The following HECTD2 variants were observed in gnomAD, a reference collection of about 807,000 sequenced individuals.
HECTD2 encodes the protein probable E3 ubiquitin-protein ligase HECTD2.
A neutral mutation model predicts 103.2 loss-of-function variants in HECTD2; 35 were observed. That is an observed-to-expected ratio of 0.34 (90% CI 0.26 to 0.45). The LOEUF (loss-of-function observed/expected upper bound fraction) is 0.45. HECTD2 is among the 20% of genes least tolerant of loss of function. The pLI, the probability that HECTD2 is intolerant of heterozygous loss-of-function variation, is 1.00. For missense variants in HECTD2, 596 were observed against 937.4 expected (o/e 0.64, Z 4.76); for synonymous variants, 281 against 329.9 (o/e 0.85, Z 1.61).
At chr10:91,478,859 A>C (rs1466838314) in intron 6 of HECTD2, among the ~76,000 whole-genome samples, 1 of 152,002 alleles carries the variant, frequency 6.6e-6, no homozygotes, top group African/African-American at 2.4e-5. Flanking sequence ...AGGAATGCCA[A>C]GTCTAGTTTA....
At chr10:91,484,797 CT>C in intron 9 of HECTD2, 142 bp downstream of exon 9, 1 of 669,292 alleles carries the variant, frequency 1.5e-6, no homozygotes, top group East Asian at 2.8e-5. Context: ...TTATTTTCTA[CT>C]TTGATAATAG....
chr10:91,412,756 T>G (rs1842976623), intron 1 of HECTD2, among the ~76,000 whole-genome samples: 1 of 151,858 alleles, frequency 6.6e-6, no homozygotes, highest in South Asian at 2.1e-4. Context: ...AAAGCTTAAG[T>G]GTAGAAAATC....
chr10:91,494,289 A>G (rs894231312), intron 14 of HECTD2, among the ~76,000 whole-genome samples: 15 of 152,032 alleles, frequency 9.9e-5, no homozygotes, highest in African/African-American at 3.6e-4. Flanking sequence ...GAAAATATAC[A>G]ATGTATTTTT....
At chr10:91,471,085 C>A (rs1845710624) in intron 5 of HECTD2, among the ~76,000 whole-genome samples, 1 of 152,078 alleles carries the variant, frequency 6.6e-6, no homozygotes, top group Non-Finnish European at 1.5e-5. Flanking sequence ...AAAATACTAG[C>A]AAACTGAATC....
intron 1 of HECTD2, among the ~76,000 whole-genome samples, chr10:91,415,728 T>G (rs1843101028): frequency 6.6e-6 from 1 of 152,194 alleles, no homozygotes; most frequent in Non-Finnish European, 1.5e-5. Flanking sequence ...ATGGCAGTAT[T>G]TCTAGTTTGA....
upstream of HECTD2, chr10:91,410,192 G>A (rs7081363): frequency 0.19 from 28,498 of 151,772 alleles, 6,289 homozygotes; most frequent in African/African-American, 0.54. Context: ...CCGGGCGGGC[G>A]GGGGAGGCGA....
At chr10:91,449,409 C>T (rs536711824) in intron 2 of HECTD2, among the ~76,000 whole-genome samples, 72 of 152,188 alleles carry the variant, frequency 4.7e-4, no homozygotes, top group Middle Eastern at 6.8e-3. Flanking sequence ...ATAATAAGAA[C>T]TATTTATGAC....
intron 20 of HECTD2, among the ~76,000 whole-genome samples, chr10:91,502,713 T>G (rs1846952850): frequency 6.6e-6 from 1 of 152,160 alleles, no homozygotes. Context: ...TAACAGAAGT[T>G]AATTTTTCAG....
rs1846951554 is a variant in HECTD2 at position 91,502,692 on chromosome 10, G to A, written c.2210+1358G>A. On this transcript the variant is annotated intron_variant, in intron 20 of 20. Transcript: ENST00000298068. The stretch of plus-strand genomic sequence containing the variant: ...TTCAAGAGGATTTTTTTAGATTATA[G>A]ATTTTTTGCATAACAGAAGTTAATT... 1.3e-5 allele frequency among the ~76,000 whole-genome samples: 2 copies of A among 151,946 alleles called. 1 individual carries two copies. The highest frequency in any genetic ancestry group is 4.1e-4 in the South Asian group (2 of 4,822).
Position 91,458,403 on chromosome 10 carries a change from T to G in HECTD2, c.269-2024T>G, listed in dbSNP as rs537354304. Among the ~76,000 whole-genome samples, 5 of 152,124 alleles carry G rather than the reference T, an allele frequency of 3.3e-5. No individual in the cohort carries two copies. The East Asian group carries it at 9.6e-4, about 29-fold the overall frequency. On this transcript the variant is annotated intron_variant, in intron 2 of 20. Coordinates refer to ENST00000298068, the MANE Select transcript of HECTD2 (RefSeq NM_182765.6). ...TGCATTTCCTGTCAAAATTCCTGTA[T>G]GTTTTTTGTTGTTGATATAGATAAG...
At chr10:91,498,520 A>G (rs1846771142) in intron 16 of HECTD2, among the ~76,000 whole-genome samples, 1 of 152,170 alleles carries the variant, frequency 6.6e-6, no homozygotes, top group African/African-American at 2.4e-5. Context: ...GAGTCAGACC[A>G]AAACTCTCTG....
At chr10:91,424,386 TGAAAAA>T (rs1318022822) in intron 1 of HECTD2, among the ~76,000 whole-genome samples, 4 of 151,988 alleles carry the variant, frequency 2.6e-5, no homozygotes, top group Non-Finnish European at 5.9e-5. Context: ...AAGGAGGAGA[TGAAAAA>T]GAAACTCTTC....
chr10:91,451,157 A>G (rs1322219751), intron 2 of HECTD2, among the ~76,000 whole-genome samples: 3 of 152,204 alleles, frequency 2.0e-5, no homozygotes, highest in Non-Finnish European at 4.4e-5. Context: ...TAAAGAAAGT[A>G]TGGCACATAT....
intron 6 of HECTD2, among the ~76,000 whole-genome samples, chr10:91,480,802 A>C (rs974366861): frequency 2.6e-5 from 4 of 152,030 alleles, no homozygotes; most frequent in Non-Finnish European, 5.9e-5. Flanking sequence ...GTATTCTAAA[A>C]TTGATGATTT....
chr10:91,411,064 C>T, intron 1 of HECTD2, among the ~76,000 whole-genome samples: 1 of 152,158 alleles, frequency 6.6e-6, no homozygotes, highest in Non-Finnish European at 1.5e-5. Flanking sequence ...TAATTGTGAC[C>T]TTTCCGTTGC....
chr10:91,418,185 T>A (rs1472847197), intron 1 of HECTD2, among the ~76,000 whole-genome samples: 1 of 152,138 alleles, frequency 6.6e-6, no homozygotes, highest in Non-Finnish European at 1.5e-5. Flanking sequence ...GATGTTTTTG[T>A]TAAAAAAAAA....
intron 6 of HECTD2, among the ~76,000 whole-genome samples, chr10:91,480,099 A>T (rs1241924047): frequency 6.6e-6 from 1 of 152,098 alleles, no homozygotes. Context: ...AACCCCTGTT[A>T]CATCTCAGTT....
At chr10:91,484,726 C>T in intron 9 of HECTD2, 71 bp downstream of exon 9, 4 of 1,221,638 alleles carry the variant, frequency 3.3e-6, no homozygotes, top group Non-Finnish European at 4.5e-6. Context: ...TTAAGGATTT[C>T]AAAAGACTAT....
At chr10:91,497,802 A>G (rs933306935) in intron 15 of HECTD2, among the ~76,000 whole-genome samples, 3 of 152,206 alleles carry the variant, frequency 2.0e-5, no homozygotes, top group African/African-American at 7.2e-5. Flanking sequence ...ATTCATAAAC[A>G]GTAATGTGGC....
Sources: allele counts gnomAD v4.1 joint callset (sites outside exome capture counted in the v4.1 genomes callset), GRCh38; gene constraint gnomAD v4.1.1; transcripts MANE v1.5; gene names NCBI Gene and HGNC (gene_info 2026-07-23, HGNC 2026-07-21).